TAF15: variants seen among roughly 807,000 people sequenced by gnomAD.
The protein encoded by TAF15 is TATA-box binding protein associated factor 15.
Under a neutral mutation model 102.5 loss-of-function variants are expected in TAF15, and 37 were observed. The observed-to-expected ratio is 0.36, with a 90% CI of 0.28 to 0.47. TAF15 has a LOEUF of 0.47. TAF15 is among the 20% of genes least tolerant of loss of function. The pLI is 0.99. For missense variants in TAF15, 652 were observed against 760.7 expected (o/e 0.86, Z 1.68); for synonymous variants, 273 against 259.2 (o/e 1.05, Z -0.51).
At chr17:35,840,247 CTTTTTTTTTTTTT>C (rs370455465) in intron 11 of TAF15, among the ~76,000 whole-genome samples, 3 of 119,404 alleles carry the variant, frequency 2.5e-5, no homozygotes, top group East Asian at 5.0e-4. Flanking sequence ...CGTTATTTTC[CTTTTTTTTTTTTT>C]TTTTTTTTTG....
chr17:35,809,497 C>A lies in TAF15; in HGVS notation c.-73C>A. The A allele has an allele frequency of 6.2e-7, 1 of 1,605,632 alleles. No homozygotes were observed. The highest frequency in any genetic ancestry group is 8.5e-7 in the Non-Finnish European group (1 of 1,176,870). ...CGCGCCGCCCTCAGTACAGCTCCGG[C>A]CGCCGCGCCGCCTGGCTTTCGTATT... On this transcript the variant is annotated 5_prime_UTR_variant, in exon 1 of 16. Coordinates refer to ENST00000605844, the MANE Select transcript of TAF15 (RefSeq NM_139215.3).
chr17:35,827,215 A>G (rs964158578), intron 7 of TAF15, among the ~76,000 whole-genome samples: 6 of 151,914 alleles, frequency 3.9e-5, no homozygotes, highest in African/African-American at 1.5e-4. Flanking sequence ...GGGCTCCTGT[A>G]GTCCCAGCTA....
At chr17:35,822,113 G>A (rs2087267450) in intron 5 of TAF15, among the ~76,000 whole-genome samples, 2 of 151,732 alleles carry the variant, frequency 1.3e-5, no homozygotes, top group South Asian at 4.2e-4. Flanking sequence ...AGGCCGAGAC[G>A]GGTGGATCAC....
intron 7 of TAF15, among the ~76,000 whole-genome samples, chr17:35,828,777 T>TAA (rs11348556): frequency 2.2e-5 from 3 of 136,494 alleles, no homozygotes; most frequent in Non-Finnish European, 3.2e-5. Flanking sequence ...TTCAAATGTT[T>TAA]AAAAAAAAAA....
chr17:35,831,177 C>T (rs1048573720), intron 7 of TAF15, among the ~76,000 whole-genome samples: 2 of 152,034 alleles, frequency 1.3e-5, no homozygotes, highest in Admixed American at 6.6e-5. Flanking sequence ...CCGAGACGGG[C>T]GGATCATGAA....
intron 15 of TAF15, among the ~76,000 whole-genome samples, chr17:35,846,370 A>G (rs1430013130): frequency 6.6e-6 from 1 of 152,238 alleles, no homozygotes; most frequent in Non-Finnish European, 1.5e-5. Flanking sequence ...ATTTTTAGCT[A>G]TTAGTAATTA....
At chr17:35,811,509 A>G (rs1017843723) in intron 1 of TAF15, 4 of 152,210 alleles carry the variant, frequency 2.6e-5, no homozygotes, top group African/African-American at 9.7e-5. Context: ...TATAAAAATA[A>G]TACCTTTGAC....
chr17:35,818,913 A>G (rs1209621188), intron 2 of TAF15, among the ~76,000 whole-genome samples: 1 of 152,128 alleles, frequency 6.6e-6, no homozygotes, highest in South Asian at 2.1e-4. Flanking sequence ...TTCAGAGCAC[A>G]TTTTTTTAAA....
chr17:35,814,358 C>T (rs1236064040), intron 1 of TAF15, among the ~76,000 whole-genome samples: 3 of 151,898 alleles, frequency 2.0e-5, no homozygotes, highest in East Asian at 1.9e-4. Flanking sequence ...TTAGTAGAGA[C>T]GGGATTTCAC....
intron 1 of TAF15, among the ~76,000 whole-genome samples, chr17:35,813,018 T>C (rs1159551941): frequency 6.6e-6 from 1 of 151,262 alleles, no homozygotes; most frequent in Non-Finnish European, 1.5e-5. Flanking sequence ...TCCCAGATCC[T>C]TGTGAGGCTG....
chr17:35,833,009 T>TA (rs2087425679), intron 7 of TAF15, among the ~76,000 whole-genome samples: 1 of 152,068 alleles, frequency 6.6e-6, no homozygotes, highest in South Asian at 2.1e-4. Flanking sequence ...ACACAGAAGT[T>TA]ACCTGGGTGT....
rs562461506 is a variant in TAF15, at chr17:35,839,370, CTTTTTTTTTTTT to C, written c.913+835_913+846del. 2.7e-3 allele frequency among the ~76,000 whole-genome samples: 140 copies of C among 52,414 alleles called. 1 individual carries two copies. The highest frequency in any genetic ancestry group is 0.011 in the African/African-American group (122 of 11,156). 34.4% of individuals were successfully genotyped at this position (52,414 alleles called of 152,430 possible). A position where few individuals can be genotyped will look rare whatever the true frequency, so the allele number is the denominator to read the frequency against. On this transcript the variant is annotated intron_variant, in intron 11 of 15. Transcript: ENST00000605844. ...TTAATACATACTTAGAAGAAATAGA[CTTTTTTTTTTTT>C]TTTTTTTTTTTTTTTTTGAGACGGA...
intron 8 of TAF15, 112 bp from the exon 9 acceptor site, chr17:35,834,454 C>G: frequency 1.1e-6 from 1 of 925,036 alleles, no homozygotes. Context: ...GGTTGACTTT[C>G]AAGGATTTTG....
chr17:35,846,761 A>G (rs2087627755), intron 15 of TAF15, 145 bp from the exon 16 acceptor site: 8 of 817,402 alleles, frequency 9.8e-6, no homozygotes, highest in Non-Finnish European at 1.7e-5. Context: ...AGTATCTTCT[A>G]GGAGTACAGA....
chr17:35,838,003 T>C (rs1218995767), intron 10 of TAF15, among the ~76,000 whole-genome samples: 1 of 148,550 alleles, frequency 6.7e-6, no homozygotes, highest in Non-Finnish European at 1.5e-5. Flanking sequence ...GCCTGAGCCA[T>C]ATAGCAAGAC....
rs544570803 is a variant in TAF15, at chr17:35,813,108, ACT to A, written c.7+3535_7+3536del. Among the ~76,000 whole-genome samples, 191 of 135,314 alleles carry A rather than the reference ACT, an allele frequency of 1.4e-3. 1 individual carries two copies. Among genetic ancestry groups the A allele is most frequent in the African/African-American group, 5.0e-3 (168 of 33,804 alleles). The allele number at this position is 135,314 out of a possible 152,430, so 88.8% of individuals were successfully genotyped here. ...ACTCCAGCTTGGGTGACAGAGCAAG[ACT>A]CTGTCTCAAAAAAAAAAAAAAAAAA... is the stretch of plus-strand genomic sequence containing the variant. On this transcript the variant is annotated intron_variant, in intron 1 of 15. Transcript: ENST00000605844.
intron 11 of TAF15, among the ~76,000 whole-genome samples, chr17:35,840,409 G>A (rs1173965897): frequency 3.3e-5 from 5 of 150,288 alleles, no homozygotes; most frequent in Admixed American, 1.3e-4. Context: ...ATGCCACCAC[G>A]CCCGGCTAAT....
chr17:35,844,245 CTA>C (rs776233395), intron 13 of TAF15, 33 bp from the exon 14 acceptor site: 11 of 1,611,370 alleles, frequency 6.8e-6, no homozygotes, highest in East Asian at 6.7e-5. Context: ...CCATTAGAAA[CTA>C]TATAGGAGCA....
intron 7 of TAF15, among the ~76,000 whole-genome samples, chr17:35,830,809 G>A (rs1229270935): frequency 6.6e-6 from 1 of 152,138 alleles, no homozygotes; most frequent in Non-Finnish European, 1.5e-5. Flanking sequence ...TTCTTATTCA[G>A]TAGGTCTAGG....
Sources: gnomAD v4.1 joint callset for allele counts (sites outside exome capture counted in the v4.1 genomes callset) on GRCh38, gnomAD v4.1.1 for gene constraint, MANE v1.5 for transcripts, NCBI Gene and HGNC (gene_info 2026-07-23, HGNC 2026-07-21) for gene names.